Variants in RBFOX1 observed in about 807,000 individuals in gnomAD.
The protein encoded by RBFOX1 is RNA binding protein fox-1 homolog 1.
In RBFOX1, 8 loss-of-function variants were observed where a neutral mutation model predicts 57.7. That is an observed-to-expected ratio of 0.14 (90% CI 0.08 to 0.25). RBFOX1 has a LOEUF of 0.25. RBFOX1 is among the 10% of genes least tolerant of loss of function. RBFOX1 has a pLI of 1.00. For synonymous variants in RBFOX1, 326 were observed against 222.4 expected, an observed-to-expected ratio of 1.47 and a Z score of -4.15; for missense variants, 611 against 548.5, an observed-to-expected ratio of 1.11 and a Z score of -1.14.
Position 6,081,117 on chromosome 16 carries a change from A to G in RBFOX1, c.-127+61125A>G, listed in dbSNP as rs113439850. ...GGTGTCCCTTTGCCCTGGGTATTTAAAAATAGACCAATGATTTCTCATAGG... is the reference window on the plus strand; with the variant it reads ...GGTGTCCCTTTGCCCTGGGTATTTAGAAATAGACCAATGATTTCTCATAGG... On this transcript the variant is annotated intron_variant, in intron 1 of 15. Transcript: ENST00000550418. Among the ~76,000 whole-genome samples, 386 of 152,280 alleles carry G rather than the reference A, an allele frequency of 2.5e-3. 3 individuals carry two copies. The highest frequency in any genetic ancestry group is 8.3e-3 in the African/African-American group (343 of 41,558).
chr16:6,025,603 C>T (rs2095175801), intron 1 of RBFOX1, among the ~76,000 whole-genome samples: 2 of 152,194 alleles, frequency 1.3e-5, no homozygotes, highest in African/African-American at 4.8e-5. Flanking sequence ...CAGTTGCACT[C>T]AGATGCCCTT....
chr16:7,514,091 C>G (rs1257958719), intron 4 of RBFOX1, among the ~76,000 whole-genome samples: 1 of 152,030 alleles, frequency 6.6e-6, no homozygotes, highest in Non-Finnish European at 1.5e-5. Flanking sequence ...TCTGCCACAG[C>G]TATTAGAAAA....
At chr16:7,080,024 G>C (rs533068883) in intron 4 of RBFOX1, among the ~76,000 whole-genome samples, 34 of 117,388 alleles carry the variant, frequency 2.9e-4, no homozygotes, top group African/African-American at 9.1e-4. Context: ...ATATATATAC[G>C]TATATATGTA....
At chr16:6,749,386 C>G (rs1313436144) in intron 3 of RBFOX1, among the ~76,000 whole-genome samples, 3 of 152,146 alleles carry the variant, frequency 2.0e-5, no homozygotes, top group African/African-American at 7.2e-5. Flanking sequence ...CACCATCCTT[C>G]CCCCAAGGAG....
intron 3 of RBFOX1, among the ~76,000 whole-genome samples, chr16:5,769,751 A>C (rs2053915408): frequency 6.6e-6 from 1 of 152,286 alleles, no homozygotes; most frequent in South Asian, 2.1e-4. Context: ...GGGTCCTGGA[A>C]CACATCCTTC....
intron 4 of RBFOX1, among the ~76,000 whole-genome samples, chr16:7,274,742 T>G (rs559033539): frequency 1.3e-4 from 20 of 152,142 alleles, no homozygotes; most frequent in Non-Finnish European, 2.8e-4. Flanking sequence ...TGCAGTGCAG[T>G]AAGACAATCT....
chr16:6,027,757 G>C (rs193093183), intron 1 of RBFOX1, among the ~76,000 whole-genome samples: 70 of 152,260 alleles, frequency 4.6e-4, no homozygotes, highest in Non-Finnish European at 6.8e-4. Flanking sequence ...CCTTTGGGCA[G>C]CAAATTGGTC....
chr16:5,651,081 C>G (rs1379975001), intron 3 of RBFOX1, among the ~76,000 whole-genome samples: 3 of 79,404 alleles, frequency 3.8e-5, no homozygotes, highest in Non-Finnish European at 6.7e-5. Flanking sequence ...GAGACAGGGT[C>G]TCACTCTGTC....
intron 2 of RBFOX1, among the ~76,000 whole-genome samples, chr16:6,546,713 G>C (rs2096901184): frequency 4.6e-5 from 7 of 152,110 alleles, no homozygotes; most frequent in Admixed American, 4.6e-4. Context: ...CACATTACCA[G>C]GTACCTGAGG....
intron 4 of RBFOX1, among the ~76,000 whole-genome samples, chr16:5,912,870 G>T (rs1174575377): frequency 6.6e-6 from 1 of 152,162 alleles, no homozygotes; most frequent in Non-Finnish European, 1.5e-5. Flanking sequence ...ATGGGTCCAT[G>T]GGGAGAGTGC....
chr16:7,076,482 T>G (rs1325788800), intron 4 of RBFOX1, among the ~76,000 whole-genome samples: 2 of 152,102 alleles, frequency 1.3e-5, no homozygotes, highest in Admixed American at 1.3e-4. Flanking sequence ...TTGGTGGAAG[T>G]GTAAAATATT....
chr16:6,657,798 A>T (rs1424965687), intron 3 of RBFOX1, among the ~76,000 whole-genome samples: 1 of 152,092 alleles, frequency 6.6e-6, no homozygotes, highest in Non-Finnish European at 1.5e-5. Flanking sequence ...TCTGAAAGAG[A>T]ACTGGTGGTG....
intron 2 of RBFOX1, among the ~76,000 whole-genome samples, chr16:6,391,717 CAG>C (rs1235646831): frequency 6.6e-6 from 1 of 151,998 alleles, no homozygotes; most frequent in Non-Finnish European, 1.5e-5. Flanking sequence ...ATAAAGTTGA[CAG>C]AATTTATTTG....
intron 2 of RBFOX1, among the ~76,000 whole-genome samples, chr16:6,340,359 C>A (rs2084377359): frequency 1.3e-5 from 2 of 152,066 alleles, no homozygotes; most frequent in African/African-American, 4.8e-5. Flanking sequence ...AGACAGGGTT[C>A]TTGGATCTCA....
At chr16:5,655,818 T>C (rs1458885936) in intron 3 of RBFOX1, among the ~76,000 whole-genome samples, 2 of 152,240 alleles carry the variant, frequency 1.3e-5, no homozygotes, top group East Asian at 3.8e-4. Flanking sequence ...GAGGTGCTGT[T>C]GAAGCCTCCA....
At chr16:6,311,948 C>T (rs751784467) in intron 1 of RBFOX1, among the ~76,000 whole-genome samples, 1 of 152,130 alleles carries the variant, frequency 6.6e-6, no homozygotes, top group African/African-American at 2.4e-5. Flanking sequence ...CTTCAGGGTC[C>T]TTTCAAGGAC....
intron 2 of RBFOX1, among the ~76,000 whole-genome samples, chr16:6,547,436 G>A (rs1048299431): frequency 5.3e-5 from 8 of 152,072 alleles, no homozygotes; most frequent in African/African-American, 1.9e-4. Flanking sequence ...GATGATTGTC[G>A]AATGGTGCCA....
intron 4 of RBFOX1, among the ~76,000 whole-genome samples, chr16:7,085,608 G>C (rs1270059427): frequency 2.6e-5 from 4 of 152,144 alleles, no homozygotes; most frequent in Admixed American, 2.6e-4. Flanking sequence ...AAATTTTAAA[G>C]AGTAGGGTGC....
intron 1 of RBFOX1, among the ~76,000 whole-genome samples, chr16:5,240,693 G>A (rs1022865775): frequency 6.6e-6 from 1 of 152,196 alleles, no homozygotes; most frequent in African/African-American, 2.4e-5. Context: ...CTACAGAGAG[G>A]GACAGAGAGG....
Sources: gnomAD v4.1 joint callset for allele counts (sites outside exome capture counted in the v4.1 genomes callset) on GRCh38, gnomAD v4.1.1 for gene constraint, MANE v1.5 for transcripts, NCBI Gene and HGNC (gene_info 2026-07-23, HGNC 2026-07-21) for gene names.